The following MYO1B variants were observed in gnomAD, a reference collection of about 807,000 sequenced individuals.
MYO1B encodes myosin IB, also known as unconventional myosin-Ib.
A neutral mutation model predicts 159.7 loss-of-function variants in MYO1B; 72 were observed. The observed-to-expected ratio is 0.45, with a 90% CI of 0.37 to 0.55. MYO1B has a LOEUF of 0.55. Among genes scored for constraint, MYO1B ranks in the 20% least tolerant of loss-of-function variants. MYO1B has a pLI of 0.00. For missense variants in MYO1B, 1,062 were observed against 1,364.8 expected (o/e 0.78, Z 3.50); for synonymous variants, 468 against 473.8 (o/e 0.99, Z 0.16).
At chr2:191,344,099 AC>A (rs1320562517) in intron 5 of MYO1B, among the ~76,000 whole-genome samples, 1 of 152,202 alleles carries the variant, frequency 6.6e-6, no homozygotes, top group African/African-American at 2.4e-5. Context: ...CCTTCAAGCC[AC>A]AATAAACTGT....
intron 4 of MYO1B, among the ~76,000 whole-genome samples, chr2:191,334,154 C>T (rs569068362): frequency 1.3e-5 from 2 of 150,148 alleles, no homozygotes; most frequent in East Asian, 1.9e-4. Flanking sequence ...TGTATCAATT[C>T]GTTCCTAAAT....
intron 3 of MYO1B, among the ~76,000 whole-genome samples, chr2:191,321,769 A>G (rs1410598631): frequency 1.3e-5 from 2 of 152,124 alleles, no homozygotes; most frequent in Middle Eastern, 3.4e-3. Flanking sequence ...TATCTTTAGG[A>G]GTTTACAGAT....
At chr2:191,385,743 GT>G (rs1356921670) in intron 15 of MYO1B, 140 bp from the exon 16 acceptor site, 1 of 869,600 alleles carries the variant, frequency 1.1e-6, no homozygotes, top group African/African-American at 1.7e-5. Context: ...TTTTGTTATT[GT>G]TTTGAGTCTC....
At chr2:191,316,554 GAAC>G (rs1354705413) in intron 3 of MYO1B, among the ~76,000 whole-genome samples, 1 of 152,172 alleles carries the variant, frequency 6.6e-6, no homozygotes, top group African/African-American at 2.4e-5. Context: ...AATAAAGCTA[GAAC>G]TACTAGTCTA....
chr2:191,245,685 C>G (rs931977693), intron 1 of MYO1B, 59 bp downstream of exon 1: 2 of 152,240 alleles, frequency 1.3e-5, no homozygotes, highest in East Asian at 3.9e-4. Flanking sequence ...CGTCGTCGGC[C>G]CCCGAGGCGC....
At chr2:191,265,154 C>T (rs1687058582) in intron 1 of MYO1B, among the ~76,000 whole-genome samples, 1 of 150,866 alleles carries the variant, frequency 6.6e-6, no homozygotes, top group African/African-American at 2.4e-5. Context: ...TCTCCATTGT[C>T]ACTAAAAGAG....
chr2:191,248,988 T>C (rs1461224549), intron 1 of MYO1B, among the ~76,000 whole-genome samples: 15 of 152,236 alleles, frequency 9.9e-5, no homozygotes, highest in Non-Finnish European at 2.9e-5. Flanking sequence ...TTATGGCCTG[T>C]ATGAATAAGC....
chr2:191,357,206 C>G (rs1227698066), intron 7 of MYO1B, among the ~76,000 whole-genome samples: 1 of 152,120 alleles, frequency 6.6e-6, no homozygotes, highest in African/African-American at 2.4e-5. Context: ...AAAACTTCAT[C>G]CTCCAGTAGG....
At chr2:191,343,161 C>CCA (rs762140825) in intron 5 of MYO1B, among the ~76,000 whole-genome samples, 1 of 152,138 alleles carries the variant, frequency 6.6e-6, no homozygotes, top group Non-Finnish European at 1.5e-5. Flanking sequence ...GGAGTCAGAA[C>CCA]CACCCTTGAT....
At chr2:191,372,961 A>G (rs1433071482) in intron 13 of MYO1B, among the ~76,000 whole-genome samples, 6 of 127,100 alleles carry the variant, frequency 4.7e-5, no homozygotes, top group Non-Finnish European at 7.7e-5. Flanking sequence ...ATCTCGGCTC[A>G]CTACAACCTC....
chr2:191,341,063 T>A (rs1200913125), intron 4 of MYO1B, among the ~76,000 whole-genome samples: 1 of 152,200 alleles, frequency 6.6e-6, no homozygotes, highest in Non-Finnish European at 1.5e-5. Context: ...AACATATCTT[T>A]GAAGAAGAGC....
At chr2:191,371,078 A>G (rs1157510282) in intron 13 of MYO1B, 1 of 152,206 alleles carries the variant, frequency 6.6e-6, no homozygotes, top group Non-Finnish European at 1.5e-5. Context: ...TAACTTTGAC[A>G]TTTAGAAGGA....
In MYO1B at chr2:191,330,801, T is replaced by G. The variant is rs577466393; in HGVS notation, c.346+772T>G. On this transcript the variant is annotated intron_variant, in intron 4 of 30. Transcript: ENST00000392318. ...TCGTAAAGTTTCATCTGTAAAATGC[T>G]TTTGTTTTATAGATAAGAATATGAT... 7.2e-5 allele frequency among the ~76,000 whole-genome samples: 11 copies of G among 152,336 alleles called. No homozygotes were observed. In the South Asian group the frequency reaches 2.3e-3, roughly 32 times the overall value.
intron 4 of MYO1B, among the ~76,000 whole-genome samples, chr2:191,333,258 C>A (rs937747201): frequency 6.6e-6 from 1 of 152,126 alleles, no homozygotes; most frequent in Non-Finnish European, 1.5e-5. Flanking sequence ...CTTGGCTGAT[C>A]TCCCAGCTAT....
intron 1 of MYO1B, among the ~76,000 whole-genome samples, chr2:191,265,744 A>C (rs1273579214): frequency 2.0e-5 from 3 of 152,210 alleles, no homozygotes; most frequent in Non-Finnish European, 4.4e-5. Context: ...TATAATTAGC[A>C]TGTTCCCCTG....
intron 30 of MYO1B, among the ~76,000 whole-genome samples, chr2:191,419,839 G>A (rs1697827818): frequency 6.6e-6 from 1 of 151,728 alleles, no homozygotes; most frequent in Admixed American, 6.6e-5. Context: ...ATAGAATAAG[G>A]TTATAAAGAA....
intron 24 of MYO1B, among the ~76,000 whole-genome samples, chr2:191,407,432 C>T (rs2126154089): frequency 6.6e-6 from 1 of 152,192 alleles, no homozygotes; most frequent in African/African-American, 2.4e-5. Context: ...ATAATTTATT[C>T]ATTTGTTATA....
chr2:191,312,536 T>C (rs1175382508), intron 3 of MYO1B, among the ~76,000 whole-genome samples: 3 of 151,988 alleles, frequency 2.0e-5, no homozygotes, highest in East Asian at 1.9e-4. Flanking sequence ...ATGTATCTCA[T>C]TGATTGTTTC....
chr2:191,271,376 TTTAAAAG>T (rs149915061), intron 1 of MYO1B, among the ~76,000 whole-genome samples: 2,454 of 152,336 alleles, frequency 0.016, 52 homozygotes, highest in African/African-American at 0.056. Context: ...TTGGCTTTGT[TTTAAAAG>T]TTCCTTTAGG....
Sources: allele counts gnomAD v4.1 joint callset (sites outside exome capture counted in the v4.1 genomes callset), GRCh38; gene constraint gnomAD v4.1.1; transcripts MANE v1.5; gene names NCBI Gene and HGNC (gene_info 2026-07-23, HGNC 2026-07-21).